Variants in GCG observed in about 807,000 individuals in gnomAD.
The protein encoded by GCG is glucagon.
A neutral mutation model predicts 22.8 loss-of-function variants in GCG; 11 were observed. The observed-to-expected ratio is 0.48, with a 90% CI of 0.30 to 0.80. The LOEUF is 0.80. Ranked by LOEUF, GCG falls within the 30% of genes least tolerant of loss-of-function variation. GCG has a pLI of 0.06. For missense variants in GCG, 222 were observed against 222.0 expected, an observed-to-expected ratio of 1.00 and a Z score of 0.00; for synonymous variants, 89 against 72.4, an observed-to-expected ratio of 1.23 and a Z score of -1.16.
chr2:162,148,966 C>G, intron 2 of GCG, 121 bp downstream of exon 2: 1 of 639,820 alleles, frequency 1.6e-6, no homozygotes, highest in Non-Finnish European at 2.8e-6. Context: ...ATACTTTAAA[C>G]ATTTGATCAT....
Position 162,143,241 on chromosome 2 carries a change from T to G in GCG, c.*123A>C, listed in dbSNP as rs1056400773. On this transcript the variant is annotated 3_prime_UTR_variant, in exon 6 of 6. Coordinates refer to ENST00000418842, the MANE Select transcript of GCG (RefSeq NM_002054.5). ...TACACAACACTAAAAGAAAATTTAT[T>G]TATTGGCATGCAAAGCAATGTGGCC... 9.0e-6 allele frequency: 4 copies of G among 444,398 alleles called. No homozygotes were observed. Among genetic ancestry groups the G allele is most frequent in the African/African-American group, 6.1e-5 (3 of 49,224 alleles). The allele number at this position is 444,398 out of a possible 1,614,324, so 27.5% of individuals were successfully genotyped here.
chr2:162,148,942 C>A, intron 2 of GCG, 145 bp downstream of exon 2: 1 of 578,350 alleles, frequency 1.7e-6, no homozygotes. Flanking sequence ...ACAAAGTCTG[C>A]TTTTATCACA....
At chr2:162,144,342 C>T (rs1432176085) in intron 4 of GCG, 172 bp from the exon 5 acceptor site, 2 of 589,774 alleles carry the variant, frequency 3.4e-6, no homozygotes, top group East Asian at 5.6e-5. Flanking sequence ...CCAGTGACTA[C>T]TGGAAAGAGA....
intron 4 of GCG, chr2:162,144,382 C>T (rs1686629346): frequency 1.9e-6 from 1 of 526,488 alleles, no homozygotes; most frequent in Non-Finnish European, 3.4e-6. Context: ...TAATACCAAG[C>T]CTGCATAATT....
At position 162,144,012 on chromosome 2, in the gene GCG, C is replaced by T. The variant is rs776220193; in HGVS notation, c.536+15G>A. ...AGAATTTGATGGTTTTCAGAATTAACTAAAAAGCAGTCACCTGTCAGTGAT... is the reference window on the plus strand; with the variant it reads ...AGAATTTGATGGTTTTCAGAATTAATTAAAAAGCAGTCACCTGTCAGTGAT... On this transcript the variant is annotated intron_variant, in intron 5 of 5. Coordinates refer to ENST00000418842, the MANE Select transcript of GCG (RefSeq NM_002054.5). 6.2e-6 allele frequency: 10 copies of T among 1,610,558 alleles called. No homozygotes were observed. Among genetic ancestry groups the T allele is most frequent in the Non-Finnish European group, 8.5e-6 (10 of 1,177,306 alleles).
At chr2:162,151,242 A>G (rs1686828899) in intron 1 of GCG, among the ~76,000 whole-genome samples, 1 of 152,148 alleles carries the variant, frequency 6.6e-6, no homozygotes, top group Admixed American at 6.6e-5. Flanking sequence ...CAGAAAGATT[A>G]ACCTTAGACC....
chr2:162,147,562 G>C, intron 2 of GCG, 48 bp from the exon 3 acceptor site: 2 of 1,528,064 alleles, frequency 1.3e-6, no homozygotes, highest in Non-Finnish European at 1.8e-6. Context: ...CTCAAGAGTA[G>C]ACTCACTTGA....
intron 1 of GCG, 75 bp from the exon 2 acceptor site, chr2:162,149,262 A>G: frequency 1.3e-6 from 1 of 762,364 alleles, no homozygotes; most frequent in Non-Finnish European, 2.3e-6. Context: ...TAAATTAATT[A>G]GATTTGACTA....
Position 162,143,070 on chromosome 2 carries a change from A to G in GCG, c.*294T>C. On this transcript the variant is annotated 3_prime_UTR_variant, in exon 6 of 6. Coordinates refer to ENST00000418842, the MANE Select transcript of GCG (RefSeq NM_002054.5). ...TTTACATTTACAAATTATATCATAG[A>G]AAAATAATTTTATCGCTAAATGTAA... 2 of 266,370 alleles carry G rather than the reference A, an allele frequency of 7.5e-6. No homozygotes were observed. The highest frequency in any genetic ancestry group is 1.4e-5 in the Non-Finnish European group (2 of 141,684). The allele number at this position is 266,370 out of a possible 1,614,324, so 16.5% of individuals were successfully genotyped here.
intron 2 of GCG, 110 bp from the exon 3 acceptor site, chr2:162,147,624 T>G (rs1220839357): frequency 1.1e-6 from 1 of 927,824 alleles, no homozygotes; most frequent in East Asian, 2.4e-5. Flanking sequence ...AAGGCAGGCA[T>G]CTAGAGTATT....
chr2:162,143,937 T>C (rs761533159), intron 5 of GCG, 90 bp downstream of exon 5: 6 of 1,034,108 alleles, frequency 5.8e-6, no homozygotes, highest in African/African-American at 3.2e-5. Context: ...TTATAGACTT[T>C]CCCCCTACAT....
chr2:162,150,692 G>A (rs148278587), intron 1 of GCG, among the ~76,000 whole-genome samples: 8 of 152,144 alleles, frequency 5.3e-5, no homozygotes, highest in Non-Finnish European at 1.2e-4. Context: ...ATTAAAGTAA[G>A]CACTTCTTTT....
Position 162,147,511 on chromosome 2 carries a change from T to C in GCG, c.96A>G (p.Ser32=). Residue 32 remains serine, a synonymous_variant, in exon 3 of 6, where the codon TCA becomes TCG. Transcript: ENST00000418842. ...GTGGGTCTGCCTGGGAAGCTGAGAA[T>C]GATCTGTGAAGAACAGTGATTGGTA... ...SLQDTEEKSR[S]FSASQADPLS... 3 of 1,612,976 alleles carry C rather than the reference T, an allele frequency of 1.9e-6. No homozygotes were observed. The highest frequency in any genetic ancestry group is 2.5e-6 in the Non-Finnish European group (3 of 1,179,154).
chr2:162,147,359 C>T lies in GCG; in HGVS notation c.248G>A (p.Arg83Lys). The part of the protein sequence containing the change: ...DFVQWLMNTK[R>K]NRNNIAKRHD... ...GCCAGGCTTAGACTCTTACCTGTTC[C>T]TCTTGGTATTCATCAACCACTGCAC... Residue 83 changes from arginine to lysine, a missense_variant, in exon 3 of 6, where the codon AGG becomes AAG. Coordinates refer to ENST00000418842, the MANE Select transcript of GCG (RefSeq NM_002054.5). The T allele has an allele frequency of 1.2e-6, 2 of 1,612,084 alleles. No homozygotes were observed. The highest frequency in any genetic ancestry group is 8.5e-7 in the Non-Finnish European group (1 of 1,178,484).
chr2:162,144,275 A>G (rs1367082696), intron 4 of GCG, 105 bp from the exon 5 acceptor site: 1 of 905,580 alleles, frequency 1.1e-6, no homozygotes, highest in African/African-American at 1.6e-5. Context: ...AGGAAACAGT[A>G]AAGGATTCTG....
At position 162,143,316 on chromosome 2, in the gene GCG, C is replaced by T. The variant is rs1430260141; in HGVS notation, c.*48G>A. 13 of 1,115,572 alleles carry T rather than the reference C, an allele frequency of 1.2e-5. No homozygotes were observed. Among genetic ancestry groups the T allele is most frequent in the Middle Eastern group, 2.0e-4 (1 of 4,964 alleles). 69.1% of individuals were successfully genotyped at this position (1,115,572 alleles called of 1,614,324 possible). A position where few individuals can be genotyped will look rare whatever the true frequency, so the allele number is the denominator to read the frequency against. On this transcript the variant is annotated 3_prime_UTR_variant, in exon 6 of 6. Transcript: ENST00000418842. ...AGGACTTAACATTTCAAACATCCCACGTGGCTAGCAGGTGATGTTGTGAAG... is the reference window on the plus strand; with the variant it reads ...AGGACTTAACATTTCAAACATCCCATGTGGCTAGCAGGTGATGTTGTGAAG...
chr2:162,146,567 TC>T (rs1686691172), intron 3 of GCG, among the ~76,000 whole-genome samples: 3 of 134,068 alleles, frequency 2.2e-5, no homozygotes, highest in Admixed American at 1.5e-4. Context: ...TCTCTCTCTC[TC>T]TCTCTCCTTT....
chr2:162,150,960 G>A (rs1686821089), intron 1 of GCG, among the ~76,000 whole-genome samples: 1 of 151,674 alleles, frequency 6.6e-6, no homozygotes, highest in African/African-American at 2.4e-5. Context: ...TCTGAAGAAA[G>A]AACTGGCTTT....
At chr2:162,147,587 A>C in intron 2 of GCG, 73 bp from the exon 3 acceptor site, 3 of 1,290,636 alleles carry the variant, frequency 2.3e-6, no homozygotes, top group Non-Finnish European at 3.4e-6. Context: ...CATCTTCACT[A>C]CAAAATACAA....
Sources: gnomAD v4.1 joint callset for allele counts (sites outside exome capture counted in the v4.1 genomes callset) on GRCh38, gnomAD v4.1.1 for gene constraint, MANE v1.5 for transcripts, NCBI Gene and HGNC (gene_info 2026-07-23, HGNC 2026-07-21) for gene names.